The following ATM variants were observed in gnomAD, a reference collection of about 807,000 sequenced individuals.
The protein encoded by ATM is serine-protein kinase ATM.
In ATM, 308 loss-of-function variants were observed where a neutral mutation model predicts 387.0. The ratio of observed to expected loss-of-function variants is 0.80; its 90% confidence interval spans 0.73 to 0.87. The LOEUF (loss-of-function observed/expected upper bound fraction) is 0.87. Among genes scored for constraint, ATM ranks in the 40% least tolerant of loss-of-function variants. The pLI, the probability that ATM is intolerant of heterozygous loss-of-function variation, is 0.00. For missense variants in ATM, 3,312 were observed against 3,560.9 expected, an observed-to-expected ratio of 0.93 and a Z score of 1.78; for synonymous variants, 1,156 against 1,187.3, an observed-to-expected ratio of 0.97 and a Z score of 0.54.
Position 108,317,615 on chromosome 11 carries a change from TTATATATATA to T in ATM, c.6347+123_6347+132del, listed in dbSNP as rs376158749. On this transcript the variant is annotated intron_variant, in intron 43 of 62. Transcript: ENST00000675843. Reference sequence around the variant, plus strand: ...TTCTATGAATATAACAGGAGTTGTTTTATATATATATATATATATATATATATATATATAT... The same window carrying T: ...TTCTATGAATATAACAGGAGTTGTTTTATATATATATATATATATATATAT... 5.4e-3 allele frequency: 1,167 copies of T among 215,012 alleles called. 35 individuals carry two copies. The highest frequency in any genetic ancestry group is 8.2e-3 in the Middle Eastern group (5 of 608). 13.3% of individuals were successfully genotyped at this position (215,012 alleles called of 1,614,324 possible). A position where few individuals can be genotyped will look rare whatever the true frequency, so the allele number is the denominator to read the frequency against.
At chr11:108,340,442 A>G (rs1168534305) in intron 56 of ATM, 2 of 152,142 alleles carry the variant, frequency 1.3e-5, no homozygotes, top group African/African-American at 2.4e-5. Context: ...AAAAATTCCT[A>G]AATGTCACCA....
intron 55 of ATM, chr11:108,335,327 G>A: frequency 7.0e-7 from 1 of 1,420,258 alleles, no homozygotes; most frequent in South Asian, 1.3e-5. Flanking sequence ...GTTGATTCAA[G>A]TAAAAGAATA....
chr11:108,367,010 C>T lies in ATM; in HGVS notation c.*1502C>T, dbSNP rs2091365200. 5.2e-6 allele frequency: 1 copy of T among 193,680 alleles called. No individual in the cohort carries two copies. The allele number at this position is 193,680 out of a possible 1,614,324, so 12.0% of individuals were successfully genotyped here. A position where few individuals can be genotyped will look rare whatever the true frequency, so the allele number is the denominator to read the frequency against. On this transcript the variant is annotated 3_prime_UTR_variant, in exon 63 of 63. Transcript: ENST00000675843. ...TCATTCCCCTCATTTTTTTCTGAGA[C>T]AGAGTCTTGCTCTGTCACCCAGGCT...
At chr11:108,355,047 T>A in intron 61 of ATM, 173 bp downstream of exon 61, 1 of 624,832 alleles carries the variant, frequency 1.6e-6, no homozygotes, top group African/African-American at 1.8e-5. Context: ...CCAAAAATAC[T>A]GGTTTAGAAA....
At chr11:108,251,222 C>T (rs1044144292) in intron 10 of ATM, 150 bp downstream of exon 10, 3 of 1,149,664 alleles carry the variant, frequency 2.6e-6, no homozygotes, top group Non-Finnish European at 3.7e-6. Context: ...GCCGAGAAGA[C>T]TTAATAAATG....
At chr11:108,229,146 A>G in intron 3 of ATM, 32 bp from the exon 4 acceptor site, 1 of 1,594,218 alleles carries the variant, frequency 6.3e-7, no homozygotes, top group Non-Finnish European at 8.6e-7. Flanking sequence ...GTATTCAACG[A>G]GTTTCTGAAA....
chr11:108,238,623 ATTTTGG>A (rs2079414556), intron 5 of ATM, among the ~76,000 whole-genome samples: 1 of 152,048 alleles, frequency 6.6e-6, no homozygotes. Flanking sequence ...GTGACCTTGT[ATTTTGG>A]GACCTTGCTA....
chr11:108,356,396 C>T (rs780445469), intron 61 of ATM, among the ~76,000 whole-genome samples: 30 of 152,020 alleles, frequency 2.0e-4, no homozygotes, highest in Non-Finnish European at 4.0e-4. Flanking sequence ...ATTAGCTGGG[C>T]GTGATGGCGG....
rs587782149 is a variant in ATM at position 108,354,834 on chromosome 11, T to C, written c.8810T>C (p.Val2937Ala). Residue 2937 changes from valine to alanine, a missense_variant, in exon 61 of 63, where the codon GTG becomes GCG. Physicochemically the swap from Val to Ala is moderately conservative, Grantham distance 64. Coordinates refer to ENST00000675843, the MANE Select transcript of ATM (RefSeq NM_000051.4). Reference protein sequence around the residue: ...FRRCCEKTMEVMRNSQETLLT... With the variant: ...FRRCCEKTMEAMRNSQETLLT... The stretch of plus-strand genomic sequence containing the variant: ...AGATGCTGTGAGAAAACCATGGAAG[T>C]GATGAGAAACTCTCAGGAAACTCTG... 6.2e-7 allele frequency: 1 copy of C among 1,613,754 alleles called. No homozygotes were observed. Among genetic ancestry groups the C allele is most frequent in the Admixed American group, 1.7e-5 (1 of 60,002 alleles).
At chr11:108,304,203 T>C (rs2083562544) in intron 36 of ATM, among the ~76,000 whole-genome samples, 1 of 152,208 alleles carries the variant, frequency 6.6e-6, no homozygotes, top group Admixed American at 6.5e-5. Context: ...AAAATAAACA[T>C]TTTTAACATG....
chr11:108,245,412 G>A (rs928530482), intron 7 of ATM, among the ~76,000 whole-genome samples: 4 of 152,238 alleles, frequency 2.6e-5, no homozygotes, highest in South Asian at 2.1e-4. Context: ...GATAAAATAC[G>A]TAAATTGGAC....
intron 3 of ATM, 32 bp downstream of exon 3, chr11:108,227,920 AT>A (rs1325352849): frequency 1.3e-6 from 2 of 1,532,468 alleles, no homozygotes; most frequent in Admixed American, 3.4e-5. Context: ...TACTGTCTTT[AT>A]TTTTCTCTTT....
At position 108,288,944 on chromosome 11, in the gene ATM, C is replaced by T. The variant is rs190669728; in HGVS notation, c.4110-33C>T. 2.2e-5 allele frequency: 36 copies of T among 1,612,884 alleles called. No homozygotes were observed. In the East Asian group the frequency reaches 4.7e-4, roughly 21 times the overall value. On this transcript the variant is annotated intron_variant, in intron 27 of 62. Coordinates refer to ENST00000675843, the MANE Select transcript of ATM (RefSeq NM_000051.4). ...GGTCTATGAACAAAACTTTTTAAAACGATGACTGTATTTTTTCCCTTAACT... is the reference window on the plus strand; with the variant it reads ...GGTCTATGAACAAAACTTTTTAAAATGATGACTGTATTTTTTCCCTTAACT...
chr11:108,302,106 G>A (rs901226232), intron 35 of ATM, among the ~76,000 whole-genome samples: 3 of 152,052 alleles, frequency 2.0e-5, no homozygotes, highest in Non-Finnish European at 4.4e-5. Context: ...TTAGCTCTGG[G>A]TATGGTTTAT....
intron 15 of ATM, among the ~76,000 whole-genome samples, chr11:108,258,711 G>A (rs187284336): frequency 6.1e-4 from 93 of 152,242 alleles, no homozygotes; most frequent in Admixed American, 1.1e-3. Flanking sequence ...TGTAAGTGGG[G>A]AAGGAGAAAA....
In ATM at chr11:108,234,411, C is replaced by T. The variant is rs930040026; in HGVS notation, c.332-1259C>T. On this transcript the variant is annotated intron_variant, in intron 4 of 62. Coordinates refer to ENST00000675843, the MANE Select transcript of ATM (RefSeq NM_000051.4). The stretch of plus-strand genomic sequence containing the variant: ...TGGAAAAATGGCATTTCTGCTGTGA[C>T]GTAAATATAATTTACTGAAAATGAT... Among the ~76,000 whole-genome samples the T allele has an allele frequency of 5.9e-5, 9 of 152,024 alleles. No homozygotes were observed. The East Asian group carries it at 1.5e-3, about 26-fold the overall frequency.
chr11:108,330,521 A>G, intron 50 of ATM, 100 bp downstream of exon 50: 7 of 1,239,584 alleles, frequency 5.6e-6, no homozygotes, highest in Non-Finnish European at 8.3e-6. Context: ...TATTCCTAGC[A>G]CTTGGTCCAG....
intron 1 of ATM, chr11:108,226,423 A>G (rs1356119000): frequency 6.6e-6 from 1 of 152,232 alleles, no homozygotes; most frequent in Non-Finnish European, 1.5e-5. Context: ...AGAAGCCCCC[A>G]AAAGAAGAGA....
chr11:108,295,221 G>A lies in ATM; in HGVS notation c.4909+162G>A, dbSNP rs2083056214. The A allele has an allele frequency of 3.5e-6, 3 of 864,048 alleles. No homozygotes were observed. The African/African-American group carries it at 5.0e-5, about 15-fold the overall frequency. The allele number at this position is 864,048 out of a possible 1,614,324, so 53.5% of individuals were successfully genotyped here. On this transcript the variant is annotated intron_variant, in intron 32 of 62. Transcript: ENST00000675843. ...CTAACTGTAAAACTGGTCCTAACTGGTCTTCTCACCCTGAACTCTTCCTGT... is the reference window on the plus strand; with the variant it reads ...CTAACTGTAAAACTGGTCCTAACTGATCTTCTCACCCTGAACTCTTCCTGT...
Sources: gnomAD v4.1 joint callset for allele counts (sites outside exome capture counted in the v4.1 genomes callset) on GRCh38, gnomAD v4.1.1 for gene constraint, MANE v1.5 for transcripts, NCBI Gene and HGNC (gene_info 2026-07-23, HGNC 2026-07-21) for gene names.